The following AK9 variants were observed in gnomAD, a reference collection of about 807,000 sequenced individuals.
The protein encoded by AK9 is adenylate kinase 9, also known as adenylate kinase domain containing 1.
AK9 carries 191 observed loss-of-function variants against 239.6 expected under a neutral mutation model. The observed-to-expected ratio is 0.80, with a 90% CI of 0.71 to 0.90. The LOEUF is 0.90. Ranked by LOEUF, AK9 falls within the 40% of genes least tolerant of loss-of-function variation. AK9 has a pLI of 0.00. For synonymous variants in AK9, 689 were observed against 721.0 expected, an observed-to-expected ratio of 0.96 and a Z score of 0.71; for missense variants, 1,995 against 2,214.7, an observed-to-expected ratio of 0.90 and a Z score of 1.99.
At chr6:109,601,418 T>A (rs1791941624) in intron 17 of AK9, among the ~76,000 whole-genome samples, 1 of 152,236 alleles carries the variant, frequency 6.6e-6, no homozygotes, top group Non-Finnish European at 1.5e-5. Context: ...GAGTTCTAGT[T>A]TGATTGCACT....
intron 19 of AK9, among the ~76,000 whole-genome samples, chr6:109,581,881 C>T (rs1054348291): frequency 2.6e-5 from 4 of 152,158 alleles, no homozygotes; most frequent in Admixed American, 6.5e-5. Flanking sequence ...CTTTAAGGGA[C>T]AGGCTGACAC....
chr6:109,531,143 T>C (rs1310444695), intron 28 of AK9, among the ~76,000 whole-genome samples: 9 of 152,202 alleles, frequency 5.9e-5, no homozygotes, highest in African/African-American at 2.2e-4. Context: ...TGAGAAATAC[T>C]GAGAAAAAAA....
intron 24 of AK9, among the ~76,000 whole-genome samples, chr6:109,560,176 C>T (rs143097722): frequency 2.8e-3 from 429 of 152,318 alleles, no homozygotes; most frequent in African/African-American, 9.9e-3. Flanking sequence ...ACTTCTTTGG[C>T]GTGCCATTAT....
intron 36 of AK9, among the ~76,000 whole-genome samples, chr6:109,498,387 A>T (rs1235591857): frequency 6.6e-6 from 1 of 152,230 alleles, no homozygotes; most frequent in Admixed American, 6.5e-5. Context: ...TGTCACTTCC[A>T]GTTTTAAAAA....
At chr6:109,521,761 T>C (rs1476387390) in intron 29 of AK9, among the ~76,000 whole-genome samples, 2 of 152,104 alleles carry the variant, frequency 1.3e-5, no homozygotes, top group Non-Finnish European at 2.9e-5. Flanking sequence ...CTAAGTAGAA[T>C]GTTTCTAGTA....
At chr6:109,509,441 A>C (rs571261173) in intron 32 of AK9, 61 bp from the exon 33 acceptor site, 1 of 1,426,376 alleles carries the variant, frequency 7.0e-7, no homozygotes, top group East Asian at 2.5e-5. Flanking sequence ...GGACATGTGC[A>C]GTTTTGTTAC....
At chr6:109,511,778 GT>G (rs553859733) in intron 32 of AK9, among the ~76,000 whole-genome samples, 1 of 151,820 alleles carries the variant, frequency 6.6e-6, no homozygotes, top group African/African-American at 2.4e-5. Context: ...AACGAAATCT[GT>G]TTTTTTTAAA....
At chr6:109,498,903 T>A (rs1777330143) in intron 36 of AK9, 141 bp downstream of exon 36, 1 of 631,470 alleles carries the variant, frequency 1.6e-6, no homozygotes, top group Non-Finnish European at 2.5e-6. Context: ...GCTGAGTTGC[T>A]TCACTGGTCC....
intron 17 of AK9, among the ~76,000 whole-genome samples, chr6:109,601,323 T>C (rs1791923551): frequency 6.6e-6 from 1 of 152,238 alleles, no homozygotes; most frequent in South Asian, 2.1e-4. Flanking sequence ...TCTGCTTTCA[T>C]TTCGTTATGT....
At chr6:109,532,934 T>C (rs1447000763) in intron 28 of AK9, among the ~76,000 whole-genome samples, 1 of 152,162 alleles carries the variant, frequency 6.6e-6, no homozygotes, top group Non-Finnish European at 1.5e-5. Context: ...AAAAGACCTC[T>C]GAAATTTTAC....
intron 24 of AK9, among the ~76,000 whole-genome samples, chr6:109,556,507 A>G (rs923261203): frequency 6.6e-6 from 1 of 152,100 alleles, no homozygotes. Context: ...CTCATGGAGT[A>G]TCTTAATGGT....
At chr6:109,559,732 T>C (rs964842023) in intron 24 of AK9, among the ~76,000 whole-genome samples, 1 of 152,236 alleles carries the variant, frequency 6.6e-6, no homozygotes, top group Non-Finnish European at 1.5e-5. Flanking sequence ...GTTGATTCCA[T>C]TGGCTTTTCT....
At chr6:109,618,763 G>A (rs1794480496) in intron 13 of AK9, among the ~76,000 whole-genome samples, 1 of 152,162 alleles carries the variant, frequency 6.6e-6, no homozygotes, top group Non-Finnish European at 1.5e-5. Flanking sequence ...ACAAGAGTCA[G>A]GTGGATTCTT....
chr6:109,559,176 T>TG, intron 24 of AK9, among the ~76,000 whole-genome samples: 1 of 149,166 alleles, frequency 6.7e-6, no homozygotes, highest in African/African-American at 2.4e-5. Flanking sequence ...TGTTTTTTTT[T>TG]TTGTTTTTTT....
intron 32 of AK9, among the ~76,000 whole-genome samples, chr6:109,513,569 C>T (rs368262875): frequency 1.3e-5 from 2 of 152,110 alleles, no homozygotes; most frequent in Admixed American, 1.3e-4. Flanking sequence ...TTTTCTATCT[C>T]GTTTTGAGTC....
intron 17 of AK9, among the ~76,000 whole-genome samples, chr6:109,603,345 CCT>C (rs753456168): frequency 4.3e-4 from 66 of 152,140 alleles, no homozygotes; most frequent in Admixed American, 1.3e-4. Context: ...CACTCCAGAC[CCT>C]GTTTGCCTAG....
chr6:109,643,599 T>C (rs1373983815), intron 9 of AK9, among the ~76,000 whole-genome samples: 1 of 152,202 alleles, frequency 6.6e-6, no homozygotes, highest in Non-Finnish European at 1.5e-5. Flanking sequence ...AGAAATAGGA[T>C]CATCTGTACT....
chr6:109,507,386 T>C (rs997329133), intron 33 of AK9, among the ~76,000 whole-genome samples: 6 of 151,788 alleles, frequency 4.0e-5, no homozygotes, highest in Admixed American at 3.9e-4. Flanking sequence ...TTGTAGTAAA[T>C]GCTCTGTGAG....
At chr6:109,526,414 C>T (rs1780526560) in intron 29 of AK9, among the ~76,000 whole-genome samples, 1 of 151,820 alleles carries the variant, frequency 6.6e-6, no homozygotes, top group South Asian at 2.1e-4. Context: ...AAAAGGGGAA[C>T]AGAGAAACAG....
Sources: allele counts gnomAD v4.1 joint callset (sites outside exome capture counted in the v4.1 genomes callset), GRCh38; gene constraint gnomAD v4.1.1; transcripts MANE v1.5; gene names NCBI Gene and HGNC (gene_info 2026-07-23, HGNC 2026-07-21).